ARMC3: variants seen among roughly 807,000 people sequenced by gnomAD.
The protein encoded by ARMC3 is armadillo repeat-containing protein 3.
Under a neutral mutation model 90.3 loss-of-function variants are expected in ARMC3, and 74 were observed. The ratio of observed to expected loss-of-function variants is 0.82; its 90% CI spans 0.68 to 0.99. The LOEUF is 0.99. ARMC3 is among the 50% of genes least tolerant of loss of function. ARMC3 has a pLI of 0.00. For synonymous variants in ARMC3, 334 were observed against 361.8 expected, an observed-to-expected ratio of 0.92 and a Z score of 0.87; for missense variants, 958 against 1,042.8, an observed-to-expected ratio of 0.92 and a Z score of 1.12.
intron 8 of ARMC3, among the ~76,000 whole-genome samples, chr10:22,973,753 CTTTTTTTTT>C (rs56405413): frequency 7.5e-5 from 6 of 79,920 alleles, no homozygotes; most frequent in South Asian, 4.5e-4. Flanking sequence ...CTTTGTCTTT[CTTTTTTTTT>C]TTTTTTTTTT....
chr10:23,006,719 C>A, intron 13 of ARMC3, 165 bp from the exon 14 acceptor site: 1 of 592,030 alleles, frequency 1.7e-6, no homozygotes, highest in East Asian at 3.1e-5. Flanking sequence ...CATCCACAAG[C>A]TTCAGGTTCC....
intron 7 of ARMC3, 100 bp from the exon 8 acceptor site, chr10:22,968,206 G>T: frequency 9.2e-7 from 1 of 1,082,686 alleles, no homozygotes; most frequent in Admixed American, 2.2e-5. Context: ...CAAAAATCAT[G>T]ACATTGTGTT....
At chr10:22,983,551 A>T (rs1027987349) in intron 10 of ARMC3, among the ~76,000 whole-genome samples, 10 of 151,758 alleles carry the variant, frequency 6.6e-5, no homozygotes, top group South Asian at 2.1e-4. Flanking sequence ...TGTTTTTTTT[A>T]AATTTTGTAT....
chr10:23,013,562 G>C (rs1212483785), intron 16 of ARMC3, among the ~76,000 whole-genome samples: 1 of 152,188 alleles, frequency 6.6e-6, no homozygotes, highest in African/African-American at 2.4e-5. Context: ...CCACGATTAA[G>C]TTAATTAACA....
At position 22,990,079 on chromosome 10, in the gene ARMC3, C is replaced by A. The variant is rs527793204; in HGVS notation, c.1176-8069C>A. Among the ~76,000 whole-genome samples, 8 of 152,262 alleles carry A rather than the reference C, an allele frequency of 5.3e-5. No homozygotes were observed. The East Asian group carries it at 1.5e-3, about 29-fold the overall frequency. On this transcript the variant is annotated intron_variant, in intron 10 of 18. Transcript: ENST00000298032. ...AGTGCAGAGACTGATATTTGCATAA[C>A]CTCGTTTTAAAGTTGCTAGTACTCT...
chr10:23,028,028 G>A (rs1343213073), intron 16 of ARMC3, among the ~76,000 whole-genome samples: 1 of 152,122 alleles, frequency 6.6e-6, no homozygotes, highest in African/African-American at 2.4e-5. Flanking sequence ...TGTGCTCCCA[G>A]CTACTCAGGA....
chr10:22,970,688 G>A (rs1835645080), intron 8 of ARMC3, among the ~76,000 whole-genome samples: 1 of 152,162 alleles, frequency 6.6e-6, no homozygotes, highest in Admixed American at 6.6e-5. Flanking sequence ...ACTTTGCAAG[G>A]AGAACCACCA....
chr10:23,037,228 C>T, intron 18 of ARMC3, 42 bp from the exon 19 acceptor site: 1 of 1,503,066 alleles, frequency 6.7e-7, no homozygotes, highest in Non-Finnish European at 9.0e-7. Context: ...CCCCACCCCT[C>T]TCCCGCACCA....
In ARMC3 at chr10:23,009,690, G is replaced by C. The variant is rs149791968; in HGVS notation, c.2045+759G>C. ...ATTTTTGTATTTTTATTAGAGATGG[G>C]GTTTCACCCTGTTGGCCAGGCTGGT... On this transcript the variant is annotated intron_variant, in intron 16 of 18. Transcript: ENST00000298032. Among the ~76,000 whole-genome samples the C allele has an allele frequency of 8.5e-5, 13 of 152,212 alleles. 1 individual carries two copies. Among genetic ancestry groups the C allele is most frequent in the African/African-American group, 3.1e-4 (13 of 41,524 alleles).
At chr10:22,929,570 CAG>C (rs900053344) in intron 1 of ARMC3, among the ~76,000 whole-genome samples, 53 of 152,176 alleles carry the variant, frequency 3.5e-4, no homozygotes, top group Admixed American at 1.5e-3. Flanking sequence ...GGGGAGGAGA[CAG>C]AGTCTCGCTC....
chr10:22,975,740 A>C (rs1835893371), intron 8 of ARMC3, among the ~76,000 whole-genome samples: 1 of 152,184 alleles, frequency 6.6e-6, no homozygotes, highest in Non-Finnish European at 1.5e-5. Flanking sequence ...TCTCCACTAC[A>C]CAGGCAAGCC....
At chr10:23,008,032 A>C (rs898219715) in intron 14 of ARMC3, among the ~76,000 whole-genome samples, 61 of 152,148 alleles carry the variant, frequency 4.0e-4, no homozygotes, top group Admixed American at 3.5e-3. Flanking sequence ...TGAGCCCCGG[A>C]GGTCAAGGCT....
intron 18 of ARMC3, among the ~76,000 whole-genome samples, chr10:23,035,691 C>G (rs987924162): frequency 3.9e-5 from 6 of 152,106 alleles, no homozygotes; most frequent in Non-Finnish European, 8.8e-5. Context: ...CATCCTTCCC[C>G]CTCTGCCTTG....
chr10:23,025,179 C>T (rs1469938655), intron 16 of ARMC3, among the ~76,000 whole-genome samples: 1 of 151,956 alleles, frequency 6.6e-6, no homozygotes, highest in Non-Finnish European at 1.5e-5. Flanking sequence ...GCCCCCAACC[C>T]CCAGCAACTG....
At chr10:23,035,849 A>G (rs937778802) in intron 18 of ARMC3, among the ~76,000 whole-genome samples, 6 of 152,052 alleles carry the variant, frequency 3.9e-5, no homozygotes, top group Non-Finnish European at 8.8e-5. Flanking sequence ...GCCCTTTGCC[A>G]AGCCCTTCCA....
chr10:23,003,457 A>G, intron 13 of ARMC3, 43 bp downstream of exon 13: 1 of 1,445,192 alleles, frequency 6.9e-7, no homozygotes. Flanking sequence ...GTACAATAAT[A>G]ATTTTTCTTT....
intron 11 of ARMC3, among the ~76,000 whole-genome samples, chr10:22,999,717 A>G (rs7097832): frequency 0.029 from 4,390 of 152,296 alleles, 214 homozygotes; most frequent in African/African-American, 0.1. Flanking sequence ...ATGAGAACAC[A>G]TCTGGGTCCA....
chr10:22,946,256 TA>T lies in ARMC3; in HGVS notation c.165del (p.Gly56ValfsTer17). The T allele has an allele frequency of 6.3e-7, 1 of 1,595,776 alleles. No individual in the cohort carries two copies. The highest frequency in any genetic ancestry group is 8.6e-7 in the Non-Finnish European group (1 of 1,166,704). On this transcript the variant is annotated frameshift_variant, in exon 3 of 19. Transcript: ENST00000298032. LOFTEE classifies it high-confidence loss of function. Reference protein sequence around the residue: ...KACEAIYKFALKGEENKTTLL... With the variant: ...KACEAIYKFAXKGEENKTTLL... ...TGTGAAGCCATTTATAAATTTGCTT[TA>T]AAAGGTTTGGATTTTTTTCAGTTTA...
At chr10:23,032,021 A>T (rs1286229506) in intron 17 of ARMC3, among the ~76,000 whole-genome samples, 2 of 152,120 alleles carry the variant, frequency 1.3e-5, no homozygotes, top group Non-Finnish European at 2.9e-5. Context: ...GGAGGCCAAG[A>T]TGGGAAGATG....
Sources: allele counts gnomAD v4.1 joint callset (sites outside exome capture counted in the v4.1 genomes callset), GRCh38; gene constraint gnomAD v4.1.1; transcripts MANE v1.5; gene names NCBI Gene and HGNC (gene_info 2026-07-23, HGNC 2026-07-21).